Variants in LGI1 observed in about 807,000 individuals in gnomAD.
The protein encoded by LGI1 is leucine rich glioma inactivated 1, also known as leucine-rich glioma-inactivated protein 1.
LGI1 carries 11 observed loss-of-function variants against 57.7 expected under a neutral mutation model. The ratio of observed to expected loss-of-function variants is 0.19; its 90% CI spans 0.12 to 0.32. LGI1 has a LOEUF of 0.32. Among genes scored for constraint, LGI1 ranks in the 10% least tolerant of loss-of-function variants. The probability of loss-of-function intolerance (pLI) is 1.00; values close to 1 mark genes in which losing one functional copy is unlikely to be tolerated. For synonymous variants in LGI1, 222 were observed against 241.9 expected (o/e 0.92, Z 0.76); for missense variants, 422 against 661.9 (o/e 0.64, Z 3.98).
intron 2 of LGI1, among the ~76,000 whole-genome samples, chr10:93,759,571 C>A (rs75599821): frequency 0.012 from 1,769 of 152,204 alleles, 21 homozygotes; most frequent in African/African-American, 0.036. Flanking sequence ...AATTGGAGTC[C>A]TAGTCCTTAC....
intron 7 of LGI1, chr10:93,794,019 C>CTTTTTTTTTTTTTTTTTTTTT (rs5787082): frequency 6.8e-5 from 6 of 87,782 alleles, no homozygotes; most frequent in Admixed American, 1.4e-4. Context: ...CTTTTTTTTT[C>CTTTTTTTTTTTTTTTTTTTTT]TTTTTTTTTT....
chr10:93,760,038 A>T (rs1308426171), intron 2 of LGI1, among the ~76,000 whole-genome samples: 1 of 152,236 alleles, frequency 6.6e-6, no homozygotes, highest in Admixed American at 6.5e-5. Flanking sequence ...GGGTTTAAAA[A>T]TTTTATATCA....
intron 2 of LGI1, chr10:93,770,869 A>G (rs1296216136): frequency 6.6e-6 from 1 of 152,218 alleles, no homozygotes; most frequent in East Asian, 1.9e-4. Flanking sequence ...ATTTTAAAAG[A>G]TGAGTACAGA....
At chr10:93,782,782 CA>C (rs1332001065) in intron 4 of LGI1, 1 of 152,258 alleles carries the variant, frequency 6.6e-6, no homozygotes, top group Admixed American at 6.5e-5. Context: ...ATCTGCATTG[CA>C]GGGGGGCTGG....
intron 2 of LGI1, among the ~76,000 whole-genome samples, chr10:93,766,531 G>T (rs2059680380): frequency 7.6e-4 from 1 of 1,320 alleles, no homozygotes. Context: ...TTGAGACGGA[G>T]TCTCGCTCTG....
At chr10:93,777,674 T>C in intron 4 of LGI1, 57 bp downstream of exon 4, 1 of 1,383,912 alleles carries the variant, frequency 7.2e-7, no homozygotes, top group Non-Finnish European at 1.0e-6. Context: ...TGCAGTTTGA[T>C]CACCTGTGGT....
intron 4 of LGI1, among the ~76,000 whole-genome samples, chr10:93,783,390 G>A (rs903550886): frequency 1.1e-4 from 16 of 152,106 alleles, no homozygotes; most frequent in African/African-American, 3.9e-4. Flanking sequence ...AAATAAATAA[G>A]TAAATAAATA....
Position 93,771,348 on chromosome 10 carries a change from T to G in LGI1, c.288-6031T>G, listed in dbSNP as rs891078178. 6 of 152,242 alleles carry G rather than the reference T, an allele frequency of 3.9e-5. 1 individual carries two copies. Among genetic ancestry groups the G allele is most frequent in the Non-Finnish European group, 7.3e-5 (5 of 68,040 alleles). 9.4% of individuals were successfully genotyped at this position (152,242 alleles called of 1,614,324 possible). On this transcript the variant is annotated intron_variant, in intron 2 of 7. Transcript: ENST00000371418. ...TGATCTCAAGACAGGAAAGGATATTTAAAGAATGAAATCATGTCTTTTGCA... is the reference window on the plus strand; with the variant it reads ...TGATCTCAAGACAGGAAAGGATATTGAAAGAATGAAATCATGTCTTTTGCA...
rs79286093 is a variant in LGI1, at chr10:93,793,106, G to T, written c.674-80G>T. ...CATTTTACTATTCTCTGAAATAAAT[G>T]TATTTCTTGTGAATATTTAAGATCT... On this transcript the variant is annotated intron_variant, in intron 6 of 7. Coordinates refer to ENST00000371418, the MANE Select transcript of LGI1 (RefSeq NM_005097.4). 5.9e-3 allele frequency: 7,456 copies of T among 1,272,660 alleles called. 328 individuals carry two copies. In the African/African-American group the frequency reaches 0.098, roughly 17 times the overall value. 78.8% of individuals were successfully genotyped at this position (1,272,660 alleles called of 1,614,324 possible). A position where few individuals can be genotyped will look rare whatever the true frequency, so the allele number is the denominator to read the frequency against.
At chr10:93,786,997 T>C (rs2059897534) in intron 4 of LGI1, among the ~76,000 whole-genome samples, 1 of 152,212 alleles carries the variant, frequency 6.6e-6, no homozygotes, top group South Asian at 2.1e-4. Context: ...TTTATCTAAA[T>C]GTAACCTGTC....
At chr10:93,794,946 GGGATCCCTTC>G (rs2059967529) in intron 7 of LGI1, 1 of 151,826 alleles carries the variant, frequency 6.6e-6, no homozygotes, top group Non-Finnish European at 1.5e-5. Context: ...CTTAAATAAA[GGGATCCCTTC>G]CAAACTGAGA....
intron 6 of LGI1, 117 bp from the exon 7 acceptor site, chr10:93,793,069 A>G (rs1281488474): frequency 1.7e-6 from 2 of 1,159,916 alleles, no homozygotes; most frequent in Middle Eastern, 2.7e-4. Flanking sequence ...ATGTGTTTAA[A>G]AGTAAAATGG....
At chr10:93,782,151 C>T (rs2059852755) in intron 4 of LGI1, among the ~76,000 whole-genome samples, 1 of 152,176 alleles carries the variant, frequency 6.6e-6, no homozygotes, top group Non-Finnish European at 1.5e-5. Context: ...TTATTTACTA[C>T]TTATTAATAA....
chr10:93,762,102 G>A (rs116469482), intron 2 of LGI1, among the ~76,000 whole-genome samples: 53 of 152,232 alleles, frequency 3.5e-4, no homozygotes, highest in African/African-American at 1.2e-3. Context: ...TGTAATTCCC[G>A]AGAGTGTTCT....
At position 93,758,719 on chromosome 10, in the gene LGI1, T is replaced by G; in HGVS notation, c.216-41T>G. ...TTCTGTGTGTGTGTGTCTCTTTGTGTGTGTCTGTTTGTTTGTTTTCTCTTT... is the reference window on the plus strand; with the variant it reads ...TTCTGTGTGTGTGTGTCTCTTTGTGGGTGTCTGTTTGTTTGTTTTCTCTTT... On this transcript the variant is annotated intron_variant, in intron 1 of 7. Transcript: ENST00000371418. The surrounding 1 kb of genome is among the most constrained non-coding windows in gnomAD (Gnocchi z 4.7). 7.3e-7 allele frequency: 1 copy of G among 1,374,036 alleles called. No homozygotes were observed. Among genetic ancestry groups the G allele is most frequent in the Non-Finnish European group, 1.0e-6 (1 of 964,718 alleles). 85.1% of individuals were successfully genotyped at this position (1,374,036 alleles called of 1,614,324 possible).
chr10:93,770,135 C>T (rs1024074550), intron 2 of LGI1: 2 of 152,316 alleles, frequency 1.3e-5, no homozygotes, highest in African/African-American at 4.8e-5. Flanking sequence ...TGAATGAAGG[C>T]TACAGTGCTA....
chr10:93,797,856 A>C lies in LGI1; in HGVS notation c.*53A>C. On this transcript the variant is annotated 3_prime_UTR_variant, in exon 8 of 8. Coordinates refer to ENST00000371418, the MANE Select transcript of LGI1 (RefSeq NM_005097.4). This position sits in a 1 kb window ranked among gnomAD's most constrained non-coding sequence, Gnocchi z 6.5. ...AAATTTTCTACAGTACATGACCCGG[A>C]TGAACTCAATGCATGATGACTCTTC... 1 of 1,163,528 alleles carries C rather than the reference A, an allele frequency of 8.6e-7. No homozygotes were observed. Among genetic ancestry groups the C allele is most frequent in the Admixed American group, 1.7e-5 (1 of 59,444 alleles). The allele number at this position is 1,163,528 out of a possible 1,614,324, so 72.1% of individuals were successfully genotyped here.
chr10:93,765,753 G>C (rs2059667123), intron 2 of LGI1: 1 of 152,122 alleles, frequency 6.6e-6, no homozygotes, highest in East Asian at 1.9e-4. Flanking sequence ...GGTAGATCAC[G>C]AGGTCAGGAG....
Position 93,790,156 on chromosome 10 carries a change from T to C in LGI1, c.489T>C (p.Asp163=). Residue 163 remains aspartate, a synonymous_variant, in exon 5 of 8, where the codon GAT becomes GAC. Transcript: ENST00000371418. ...CAAAAGATATTTTCAAAGGCCTGGA[T>C]TCTTTAACAAATGTGTAAGAGGACC... The part of the protein sequence containing the change: ...TLPKDIFKGL[D]SLTNVDLRGN... The C allele has an allele frequency of 6.2e-7, 1 of 1,610,342 alleles. No homozygotes were observed. The highest frequency in any genetic ancestry group is 8.5e-7 in the Non-Finnish European group (1 of 1,179,376).
Sources: allele counts gnomAD v4.1 joint callset (sites outside exome capture counted in the v4.1 genomes callset), GRCh38; gene constraint gnomAD v4.1.1; non-coding constraint Gnocchi (gnomAD v3.1); transcripts MANE v1.5; gene names NCBI Gene and HGNC (gene_info 2026-07-23, HGNC 2026-07-21).